The following OR51B5 variants were observed in gnomAD, a reference collection of about 807,000 sequenced individuals.
The protein encoded by OR51B5 is olfactory receptor 51B5.
For synonymous variants in OR51B5, 186 were observed against 144.8 expected (o/e 1.28, Z -2.04); for missense variants, 456 against 374.6 (o/e 1.22, Z -1.79).
intron 1 of OR51B5, among the ~76,000 whole-genome samples, chr11:5,464,843 A>G (rs1208934704): frequency 6.6e-6 from 1 of 152,110 alleles, no homozygotes; most frequent in African/African-American, 2.4e-5. Context: ...CTAGTTCTAG[A>G]TCCCTGAGGA....
At chr11:5,375,453 A>G (rs1200666168) in intron 1 of OR51B5, among the ~76,000 whole-genome samples, 1 of 151,766 alleles carries the variant, frequency 6.6e-6, no homozygotes, top group Non-Finnish European at 1.5e-5. Flanking sequence ...AGCTATCATA[A>G]TGACAGGATC....
chr11:5,426,990 CAA>C (rs1228060522), intron 1 of OR51B5, among the ~76,000 whole-genome samples: 4 of 117,252 alleles, frequency 3.4e-5, no homozygotes, highest in Non-Finnish European at 4.0e-5. Context: ...CACGATGAGA[CAA>C]CATTTGTTCA....
At chr11:5,495,115 A>T (rs1851630265) in intron 1 of OR51B5, among the ~76,000 whole-genome samples, 1 of 152,224 alleles carries the variant, frequency 6.6e-6, no homozygotes, top group Non-Finnish European at 1.5e-5. Context: ...CCTGGAGTCC[A>T]GATGAGAGGT....
chr11:5,355,784 G>A (rs1292115031), intron 1 of OR51B5, among the ~76,000 whole-genome samples: 1 of 151,022 alleles, frequency 6.6e-6, no homozygotes. Flanking sequence ...AAAGAGTAGG[G>A]TCAAGGGGTA....
intron 1 of OR51B5, among the ~76,000 whole-genome samples, chr11:5,433,924 A>C (rs1850563185): frequency 6.6e-6 from 1 of 152,048 alleles, no homozygotes; most frequent in East Asian, 1.9e-4. Context: ...TACTCTCTAC[A>C]CTCTTCATGC....
chr11:5,344,198 T>G (rs4326830), upstream of OR51B5, among the ~76,000 whole-genome samples: 4 of 152,000 alleles, frequency 2.6e-5, no homozygotes, highest in African/African-American at 7.3e-5. Context: ...ACTCACTACT[T>G]GTGACAATAG....
chr11:5,390,184 A>G, intron 1 of OR51B5: 2 of 1,613,946 alleles, frequency 1.2e-6, no homozygotes, highest in Non-Finnish European at 1.7e-6. Context: ...CTGTGCTAGT[A>G]TTCTTTGTGC....
At position 5,505,316 on chromosome 11, in the gene OR51B5, T is replaced by C. The variant is rs767799786; in HGVS notation, n.84+253A>G. 3.8e-6 allele frequency: 5 copies of C among 1,302,922 alleles called. No homozygotes were observed. The South Asian group carries it at 5.0e-5, about 13-fold the overall frequency. The allele number at this position is 1,302,922 out of a possible 1,614,324, so 80.7% of individuals were successfully genotyped here. A position where few individuals can be genotyped will look rare whatever the true frequency, so the allele number is the denominator to read the frequency against. On this transcript the variant is annotated intron_variant and non_coding_transcript_variant, in intron 1 of 4. Coordinates refer to the OR51B5 transcript ENST00000415970. Reference sequence around the variant, plus strand: ...ATGGAAATTTGGGGTTCAATGTATATCTTCCCCAGTCAGAGGCAGACCCAG... The same window carrying C: ...ATGGAAATTTGGGGTTCAATGTATACCTTCCCCAGTCAGAGGCAGACCCAG...
At chr11:5,423,156 G>T in intron 1 of OR51B5, 1 of 1,577,644 alleles carries the variant, frequency 6.3e-7, no homozygotes, top group Non-Finnish European at 8.7e-7. Context: ...TCAAGATGAG[G>T]GAATGCATTT....
intron 1 of OR51B5, chr11:5,352,506 C>T (rs759978028): frequency 2.0e-5 from 21 of 1,063,408 alleles, no homozygotes; most frequent in Non-Finnish European, 2.1e-5. Flanking sequence ...GACAATGTTG[C>T]CAGCATAAGT....
At chr11:5,381,826 A>G (rs1849612648) in intron 1 of OR51B5, among the ~76,000 whole-genome samples, 1 of 152,236 alleles carries the variant, frequency 6.6e-6, no homozygotes. Flanking sequence ...TGGTCCTTCA[A>G]TTATATAATT....
intron 1 of OR51B5, among the ~76,000 whole-genome samples, chr11:5,437,764 G>C (rs911533394): frequency 2.4e-4 from 36 of 152,110 alleles, no homozygotes; most frequent in African/African-American, 8.0e-4. Flanking sequence ...TTGATTTCAG[G>C]TCTCCCAAAC....
chr11:5,362,988 T>C (rs186884212), intron 1 of OR51B5: 2 of 143,674 alleles, frequency 1.4e-5, no homozygotes, highest in Admixed American at 1.5e-4. Context: ...AAAGAAATAA[T>C]AGAAGTTAGG....
intron 1 of OR51B5, among the ~76,000 whole-genome samples, chr11:5,421,082 A>C (rs1163915553): frequency 6.6e-6 from 1 of 152,252 alleles, no homozygotes; most frequent in Non-Finnish European, 1.5e-5. Flanking sequence ...CAACAAGCTA[A>C]TGAAACTGTG....
intron 1 of OR51B5, among the ~76,000 whole-genome samples, chr11:5,350,211 C>A (rs1200597634): frequency 2.8e-5 from 3 of 108,974 alleles, no homozygotes. Flanking sequence ...CACTAGTAGT[C>A]TTTACAGGTT....
At chr11:5,388,121 A>G (rs1391607) in intron 1 of OR51B5, among the ~76,000 whole-genome samples, 63,999 of 151,874 alleles carry the variant, frequency 0.42, 13,761 homozygotes, top group Middle Eastern at 0.45. Context: ...TGAATATTGA[A>G]ATAATTATTG....
At chr11:5,454,130 C>A (rs759540141) in intron 1 of OR51B5, 3 of 1,614,146 alleles carry the variant, frequency 1.9e-6, no homozygotes, top group Admixed American at 1.7e-5. Context: ...TGTTTTTTAT[C>A]TTCCTCTCCT....
intron 1 of OR51B5, among the ~76,000 whole-genome samples, chr11:5,464,795 T>A (rs374440582): frequency 6.6e-6 from 1 of 152,214 alleles, no homozygotes; most frequent in Non-Finnish European, 1.5e-5. Context: ...CCTTTGGGTA[T>A]ATACCCAGTA....
chr11:5,376,835 A>G (rs1326853759), intron 1 of OR51B5, among the ~76,000 whole-genome samples: 1 of 149,154 alleles, frequency 6.7e-6, no homozygotes, highest in Non-Finnish European at 1.5e-5. Context: ...ACCAACCAAA[A>G]AGAGTCCAGG....
Sources: allele counts gnomAD v4.1 joint callset (sites outside exome capture counted in the v4.1 genomes callset), GRCh38; gene constraint gnomAD v4.1.1; transcripts MANE v1.5; gene names NCBI Gene and HGNC (gene_info 2026-07-23, HGNC 2026-07-21).